Variants in MEIS2 observed in about 807,000 individuals in gnomAD.
MEIS2 encodes the protein Meis homeobox 2, also known as homeobox protein Meis2.
MEIS2 carries 9 observed loss-of-function variants against 58.6 expected under a neutral mutation model. That is an observed-to-expected ratio of 0.15 (90% CI 0.09 to 0.27). MEIS2 has a LOEUF of 0.27. MEIS2 is among the 10% of genes least tolerant of loss of function. The pLI, the probability that MEIS2 is intolerant of heterozygous loss-of-function variation, is 1.00. For synonymous variants in MEIS2, 221 were observed against 228.4 expected (o/e 0.97, Z 0.29); for missense variants, 427 against 635.0 (o/e 0.67, Z 3.52).
intron 8 of MEIS2, among the ~76,000 whole-genome samples, chr15:36,987,619 G>A (rs566556248): frequency 9.1e-4 from 138 of 152,120 alleles, no homozygotes; most frequent in African/African-American, 3.1e-3. Context: ...TAAATAAATG[G>A]TCACTGAAAA....
At chr15:37,017,813 T>C (rs1286221120) in intron 8 of MEIS2, among the ~76,000 whole-genome samples, 3 of 152,130 alleles carry the variant, frequency 2.0e-5, no homozygotes, top group African/African-American at 7.2e-5. Flanking sequence ...CACCCCTCTT[T>C]TGTGTTCCGT....
At chr15:36,994,099 A>G (rs1025558479) in intron 8 of MEIS2, among the ~76,000 whole-genome samples, 4 of 152,228 alleles carry the variant, frequency 2.6e-5, no homozygotes, top group African/African-American at 9.6e-5. Context: ...ACTTGAGGAG[A>G]GTGGTGCTTG....
chr15:36,964,394 A>T (rs1307234887), intron 8 of MEIS2, among the ~76,000 whole-genome samples: 1 of 152,216 alleles, frequency 6.6e-6, no homozygotes, highest in Admixed American at 6.5e-5. Flanking sequence ...TCTCATTTAG[A>T]GTGCACAAGG....
At chr15:37,043,466 T>C (rs956659231) in intron 7 of MEIS2, among the ~76,000 whole-genome samples, 44 of 152,166 alleles carry the variant, frequency 2.9e-4, no homozygotes, top group Non-Finnish European at 8.8e-5. Context: ...GATACTTATA[T>C]GTGTTATATG....
chr15:36,964,131 A>G (rs2059280810), intron 8 of MEIS2, among the ~76,000 whole-genome samples: 1 of 152,242 alleles, frequency 6.6e-6, no homozygotes, highest in Admixed American at 6.5e-5. Context: ...TTGCAAAACA[A>G]TTAATACTCC....
intron 8 of MEIS2, among the ~76,000 whole-genome samples, chr15:36,998,236 G>GTTTTTTT (rs5811954): frequency 1.3e-4 from 9 of 66,768 alleles, no homozygotes; most frequent in Admixed American, 2.0e-4. Context: ...AAAACACAAA[G>GTTTTTTT]TTTTTTTTTT....
At position 37,001,793 on chromosome 15, in the gene MEIS2, T is replaced by C. The variant is rs1401539639; in HGVS notation, c.900+35021A>G. Among the ~76,000 whole-genome samples, 7 of 152,220 alleles carry C rather than the reference T, an allele frequency of 4.6e-5. No individual in the cohort carries two copies. In the East Asian group the frequency reaches 9.6e-4, roughly 21 times the overall value. ...ACATTGTTTTCTTTAGATTCATCCA[T>C]GGCAATAGTTTATAGAATAAGAGGT... On this transcript the variant is annotated intron_variant, in intron 8 of 11. Transcript: ENST00000561208.
chr15:37,018,891 C>A (rs2061432692), intron 8 of MEIS2, among the ~76,000 whole-genome samples: 1 of 152,078 alleles, frequency 6.6e-6, no homozygotes. Context: ...TGCTGTGGCC[C>A]CATCGCTAAT....
Position 37,093,590 on chromosome 15 carries a change from G to C in MEIS2, c.630C>G (p.Leu210=). The C allele has an allele frequency of 6.2e-7, 1 of 1,614,148 alleles. No homozygotes were observed. The highest frequency in any genetic ancestry group is 8.5e-7 in the Non-Finnish European group (1 of 1,179,992). The change falls in exon 6 of 12, where the codon CTC becomes CTG. Residue 210 remains leucine, a synonymous_variant. Transcript: ENST00000561208. The stretch of plus-strand genomic sequence containing the variant: ...AGGCTAGCAGACTTACATGGTCAGC[G>C]AGATTTGTGGAGGAGCCTGAAAGTT... The part of the protein sequence containing the change: ...HEELSGSSTN[L]ADHNPSSWRD...
intron 8 of MEIS2, among the ~76,000 whole-genome samples, chr15:36,964,473 G>A (rs2059292017): frequency 6.6e-6 from 1 of 152,180 alleles, no homozygotes; most frequent in African/African-American, 2.4e-5. Flanking sequence ...TAGTTGGGAG[G>A]AGACTAATGA....
intron 7 of MEIS2, among the ~76,000 whole-genome samples, chr15:37,055,350 C>A (rs1423833517): frequency 6.6e-6 from 1 of 152,084 alleles, no homozygotes; most frequent in African/African-American, 2.4e-5. Flanking sequence ...CAGTGCCTGG[C>A]ACATCATAGG....
intron 8 of MEIS2, among the ~76,000 whole-genome samples, chr15:37,024,962 T>C (rs1430936816): frequency 6.6e-6 from 1 of 152,234 alleles, no homozygotes; most frequent in African/African-American, 2.4e-5. Context: ...TTCCAGTTCT[T>C]TCTCTTAAGT....
chr15:37,015,735 T>A (rs920567225), intron 8 of MEIS2, among the ~76,000 whole-genome samples: 3 of 151,880 alleles, frequency 2.0e-5, no homozygotes, highest in Non-Finnish European at 2.9e-5. Context: ...GCTTTCTACC[T>A]TTTTTTTCCC....
chr15:36,990,903 C>A (rs2060248958), intron 8 of MEIS2, among the ~76,000 whole-genome samples: 1 of 151,792 alleles, frequency 6.6e-6, no homozygotes, highest in Non-Finnish European at 1.5e-5. Flanking sequence ...AAATGTAAAT[C>A]CAAAATGTGC....
chr15:36,992,241 A>T (rs2060321897), intron 8 of MEIS2, among the ~76,000 whole-genome samples: 1 of 152,070 alleles, frequency 6.6e-6, no homozygotes, highest in African/African-American at 2.4e-5. Context: ...TAATTAGTCA[A>T]ATTAGCTTAG....
Position 37,024,473 on chromosome 15 carries a change from C to T in MEIS2, c.900+12341G>A, listed in dbSNP as rs75655505. 4.7e-3 allele frequency among the ~76,000 whole-genome samples: 723 copies of T among 152,266 alleles called. 5 individuals are homozygous for T. Among genetic ancestry groups the T allele is most frequent in the African/African-American group, 0.016 (685 of 41,542 alleles). On this transcript the variant is annotated intron_variant, in intron 8 of 11. Coordinates refer to ENST00000561208, the MANE Select transcript of MEIS2 (RefSeq NM_170675.5). ...CTATAGTGCCACCATTTTCAGCTTC[C>T]ACAGAAGTTCATCCACCTGGATATC...
chr15:36,892,528 A>C, intron 11 of MEIS2, 69 bp from the exon 12 acceptor site: 1 of 970,232 alleles, frequency 1.0e-6, no homozygotes, highest in Non-Finnish European at 1.5e-6. Flanking sequence ...CCCATCAAAG[A>C]TGAAAAGAAA....
intron 6 of MEIS2, among the ~76,000 whole-genome samples, chr15:37,090,265 A>G (rs1893359013): frequency 1.3e-5 from 2 of 152,008 alleles, no homozygotes; most frequent in Admixed American, 1.3e-4. Context: ...TGTAATCAAT[A>G]TTGCTTATTT....
chr15:36,896,124 A>G (rs1449020078), intron 10 of MEIS2, among the ~76,000 whole-genome samples: 1 of 152,268 alleles, frequency 6.6e-6, no homozygotes, highest in East Asian at 1.9e-4. Context: ...ATGGATGTGA[A>G]GCATTTTATA....
Sources: allele counts gnomAD v4.1 joint callset (sites outside exome capture counted in the v4.1 genomes callset), GRCh38; gene constraint gnomAD v4.1.1; transcripts MANE v1.5; gene names NCBI Gene and HGNC (gene_info 2026-07-23, HGNC 2026-07-21).